PCDH15: variants seen among roughly 807,000 people sequenced by gnomAD.
PCDH15 encodes the protein protocadherin-15.
In PCDH15, 129 loss-of-function variants were observed where a neutral mutation model predicts 178.5. The observed-to-expected ratio is 0.72, with a 90% CI of 0.63 to 0.84. The LOEUF is 0.84. Among genes scored for constraint, PCDH15 ranks in the 40% least tolerant of loss-of-function variants. The pLI, the probability that PCDH15 is intolerant of heterozygous loss-of-function variation, is 0.00. For missense variants in PCDH15, 2,230 were observed against 2,099.9 expected (o/e 1.06, Z -1.21); for synonymous variants, 800 against 732.0 (o/e 1.09, Z -1.50).
chr10:54,350,491 ATT>A (rs1014926669), intron 5 of PCDH15, among the ~76,000 whole-genome samples: 2 of 152,204 alleles, frequency 1.3e-5, no homozygotes, highest in African/African-American at 4.8e-5. Flanking sequence ...AAATTTCATG[ATT>A]TGTTCAAATG....
At position 54,835,872 on chromosome 10, in the gene PCDH15, A is replaced by G. The variant is rs531567863; in HGVS notation, c.-29+61578T>C. ...TAAACTGTCACTTATAAAAGAAAGA[A>G]AGATACGGTATTTTTTTAAAACTCC... On this transcript the variant is annotated intron_variant, in intron 3 of 5. Transcript: ENST00000458638. 2.0e-5 allele frequency among the ~76,000 whole-genome samples: 3 copies of G among 152,278 alleles called. No homozygotes were observed. The East Asian group carries it at 5.8e-4, about 29-fold the overall frequency.
intron 3 of PCDH15, among the ~76,000 whole-genome samples, chr10:54,520,967 AAAAC>A (rs1400201641): frequency 6.6e-6 from 1 of 151,142 alleles, no homozygotes; most frequent in Non-Finnish European, 1.5e-5. Context: ...CAAGGACAAA[AAAAC>A]AAACACCGCA....
intron 10 of PCDH15, among the ~76,000 whole-genome samples, chr10:54,211,493 T>G (rs766826228): frequency 3.2e-4 from 49 of 152,120 alleles, no homozygotes; most frequent in Non-Finnish European, 2.6e-4. Context: ...AAGTTACACC[T>G]TTACATTTTT....
chr10:55,271,374 A>C (rs1199197663), intron 1 of PCDH15, among the ~76,000 whole-genome samples: 1 of 152,034 alleles, frequency 6.6e-6, no homozygotes, highest in Non-Finnish European at 1.5e-5. Flanking sequence ...GCCATAGAGA[A>C]AAAAAGGATT....
intron 2 of PCDH15, among the ~76,000 whole-genome samples, chr10:54,632,120 G>A (rs544055567): frequency 1.3e-5 from 2 of 150,872 alleles, no homozygotes; most frequent in African/African-American, 5.0e-5. Context: ...ATGAAATCAT[G>A]TCCCTTACAG....
intron 21 of PCDH15, among the ~76,000 whole-genome samples, chr10:53,963,959 A>T (rs1911429): frequency 5.9e-5 from 9 of 152,090 alleles, no homozygotes; most frequent in South Asian, 2.1e-4. Flanking sequence ...GTTGTTAGTA[A>T]GGGCAATCTG....
At chr10:54,023,257 T>G (rs922844794) in intron 18 of PCDH15, 60 bp from the exon 19 acceptor site, 1 of 1,484,588 alleles carries the variant, frequency 6.7e-7, no homozygotes, top group Non-Finnish European at 9.3e-7. Flanking sequence ...CTACTGTAAA[T>G]GAAGGTAACA....
chr10:54,579,388 T>C (rs1485368250), intron 2 of PCDH15, among the ~76,000 whole-genome samples: 1 of 151,984 alleles, frequency 6.6e-6, no homozygotes, highest in Non-Finnish European at 1.5e-5. Flanking sequence ...TAAAAAAGGA[T>C]AAAGAATGTC....
At chr10:54,081,245 C>A (rs1175926702) in intron 16 of PCDH15, among the ~76,000 whole-genome samples, 4 of 151,844 alleles carry the variant, frequency 2.6e-5, no homozygotes, top group South Asian at 2.1e-4. Flanking sequence ...GTTCAGAATT[C>A]TTTGAGACAA....
At chr10:53,870,948 T>G (rs1245018978) in intron 26 of PCDH15, among the ~76,000 whole-genome samples, 2 of 152,178 alleles carry the variant, frequency 1.3e-5, no homozygotes, top group Admixed American at 1.3e-4. Context: ...CTCTATTTGT[T>G]GTTAAATAAT....
chr10:54,599,787 G>C (rs2092439249), intron 2 of PCDH15: 1 of 544,048 alleles, frequency 1.8e-6, no homozygotes, highest in Non-Finnish European at 3.5e-6. Flanking sequence ...AAGCTGAAGA[G>C]GGAGGATCTG....
intron 3 of PCDH15, among the ~76,000 whole-genome samples, chr10:54,479,377 T>C (rs1289433381): frequency 1.1e-4 from 17 of 151,952 alleles, no homozygotes. Context: ...AAAACTTAAA[T>C]GTGTGTGTGT....
intron 1 of PCDH15, among the ~76,000 whole-genome samples, chr10:55,173,671 ATGT>A (rs1839403592): frequency 6.6e-6 from 1 of 152,094 alleles, no homozygotes; most frequent in African/African-American, 2.4e-5. Flanking sequence ...GCCAGTATTC[ATGT>A]TGTTTACATT....
At chr10:54,411,894 T>G (rs1953577498) in intron 3 of PCDH15, among the ~76,000 whole-genome samples, 1 of 152,190 alleles carries the variant, frequency 6.6e-6, no homozygotes, top group African/African-American at 2.4e-5. Context: ...ATTATTTAAT[T>G]TATTCTCTTT....
intron 1 of PCDH15, among the ~76,000 whole-genome samples, chr10:55,284,021 T>C (rs760748976): frequency 1.8e-4 from 28 of 152,316 alleles, no homozygotes; most frequent in Admixed American, 7.9e-4. Context: ...CAATCTTGAC[T>C]CTTAAGTCAT....
intron 2 of PCDH15, among the ~76,000 whole-genome samples, chr10:55,080,573 G>A (rs1362184913): frequency 4.6e-5 from 7 of 152,098 alleles, no homozygotes; most frequent in Non-Finnish European, 7.4e-5. Flanking sequence ...ACATTATTTG[G>A]TCCCTGGCTG....
chr10:54,789,417 A>G (rs949103236), intron 1 of PCDH15, among the ~76,000 whole-genome samples: 2 of 151,668 alleles, frequency 1.3e-5, no homozygotes, highest in African/African-American at 4.8e-5. Flanking sequence ...TGCAGCGGAG[A>G]TGACTGTGTG....
At chr10:54,913,229 C>G (rs1486495292) in intron 2 of PCDH15, among the ~76,000 whole-genome samples, 2 of 152,172 alleles carry the variant, frequency 1.3e-5, no homozygotes, top group African/African-American at 2.4e-5. Context: ...CAGCCCCTCC[C>G]ATCACAGGCC....
intron 2 of PCDH15, among the ~76,000 whole-genome samples, chr10:55,481,442 A>T (rs1375187499): frequency 6.6e-6 from 1 of 151,544 alleles, no homozygotes; most frequent in Non-Finnish European, 1.5e-5. Context: ...CTGACTTGAT[A>T]TCTTTCTAAC....
Sources: allele counts gnomAD v4.1 joint callset (sites outside exome capture counted in the v4.1 genomes callset), GRCh38; gene constraint gnomAD v4.1.1; transcripts MANE v1.5; gene names NCBI Gene and HGNC (gene_info 2026-07-23, HGNC 2026-07-21).